Variants in SLC23A2 observed in about 807,000 individuals in gnomAD.
SLC23A2 encodes Na(+)/L-ascorbic acid transporter 2.
Under a neutral mutation model 73.3 loss-of-function variants are expected in SLC23A2, and 36 were observed. The observed-to-expected ratio is 0.49, with a 90% CI of 0.38 to 0.65. SLC23A2 has a LOEUF of 0.65. Among genes scored for constraint, SLC23A2 ranks in the 30% least tolerant of loss-of-function variants. The pLI, the probability that SLC23A2 is intolerant of heterozygous loss-of-function variation, is 0.00. For synonymous variants in SLC23A2, 343 were observed against 327.3 expected, an observed-to-expected ratio of 1.05 and a Z score of -0.52; for missense variants, 507 against 841.6, an observed-to-expected ratio of 0.60 and a Z score of 4.92.
chr20:4,925,052 G>A (rs1246949350), intron 3 of SLC23A2, among the ~76,000 whole-genome samples: 1 of 152,158 alleles, frequency 6.6e-6, no homozygotes, highest in African/African-American at 2.4e-5. Flanking sequence ...GAGCACAGTG[G>A]CATGTGCCAT....
chr20:4,947,233 C>G lies in SLC23A2; in HGVS notation c.-154-14517G>C, dbSNP rs1021346621. Among the ~76,000 whole-genome samples, 1 of 152,130 alleles carries G rather than the reference C, an allele frequency of 6.6e-6. No homozygotes were observed. The highest frequency in any genetic ancestry group is 1.5e-5 in the Non-Finnish European group (1 of 68,032). ...CCAATGCATAAAAGGCATTCAAATACTTGGGGAAATCCCTGACTCGTTCAG... is the reference window on the plus strand; with the variant it reads ...CCAATGCATAAAAGGCATTCAAATAGTTGGGGAAATCCCTGACTCGTTCAG... On this transcript the variant is annotated intron_variant, in intron 2 of 16. Transcript: ENST00000338244. This position sits in a 1 kb window ranked among gnomAD's most constrained non-coding sequence, Gnocchi z 4.4.
chr20:4,866,258 T>C (rs1930195622), intron 13 of SLC23A2, among the ~76,000 whole-genome samples: 1 of 152,250 alleles, frequency 6.6e-6, no homozygotes, highest in African/African-American at 2.4e-5. Flanking sequence ...AGTTTGTACA[T>C]GCTCACCCAG....
At chr20:4,971,648 G>A (rs187777103) in intron 1 of SLC23A2, among the ~76,000 whole-genome samples, 20 of 150,564 alleles carry the variant, frequency 1.3e-4, no homozygotes, top group Non-Finnish European at 1.3e-4. Context: ...TTATCTCGTC[G>A]TGGTGGCACA....
At chr20:4,945,725 C>G (rs542281428) in intron 2 of SLC23A2, among the ~76,000 whole-genome samples, 74 of 152,140 alleles carry the variant, frequency 4.9e-4, no homozygotes, top group African/African-American at 1.8e-3. Flanking sequence ...CAGGGGTAAC[C>G]GAGAGTGTCA....
intron 4 of SLC23A2, among the ~76,000 whole-genome samples, chr20:4,908,109 G>T (rs1468173267): frequency 6.6e-6 from 1 of 152,180 alleles, no homozygotes; most frequent in Non-Finnish European, 1.5e-5. Flanking sequence ...AACAAAACAT[G>T]CATAATTGCA....
intron 6 of SLC23A2, among the ~76,000 whole-genome samples, chr20:4,887,975 T>C (rs1029103448): frequency 5.9e-5 from 9 of 152,204 alleles, no homozygotes; most frequent in Admixed American, 3.9e-4. Flanking sequence ...GTGGCTTTTT[T>C]AGGTGCTTGC....
intron 2 of SLC23A2, among the ~76,000 whole-genome samples, chr20:4,960,114 T>A (rs1452579271): frequency 6.6e-6 from 1 of 152,176 alleles, no homozygotes; most frequent in Non-Finnish European, 1.5e-5. Context: ...TTATTTATAA[T>A]AGCCAAAACC....
Position 4,899,462 on chromosome 20 carries a change from C to A in SLC23A2, c.482+93G>T. On this transcript the variant is annotated intron_variant, in intron 6 of 16. Coordinates refer to ENST00000338244, the MANE Select transcript of SLC23A2 (RefSeq NM_005116.6). This position sits in a 1 kb window ranked among gnomAD's most constrained non-coding sequence, Gnocchi z 4.9. Reference sequence around the variant, plus strand: ...TTCCCGTGCCTCCATTCTGTCCTTGCCAACAGCCCTAGGCAAACGGCGCAG... The same window carrying A: ...TTCCCGTGCCTCCATTCTGTCCTTGACAACAGCCCTAGGCAAACGGCGCAG... The A allele has an allele frequency of 1.4e-6, 2 of 1,475,020 alleles. No individual in the cohort carries two copies. The highest frequency in any genetic ancestry group is 1.2e-5 in the South Asian group (1 of 83,532). 91.4% of individuals were successfully genotyped at this position (1,475,020 alleles called of 1,614,324 possible). A position where few individuals can be genotyped will look rare whatever the true frequency, so the allele number is the denominator to read the frequency against.
intron 2 of SLC23A2, among the ~76,000 whole-genome samples, chr20:4,941,028 C>T (rs748410042): frequency 2.0e-5 from 3 of 151,940 alleles, no homozygotes; most frequent in Non-Finnish European, 2.9e-5. Flanking sequence ...TGGTGGTGCA[C>T]GCCTATAAGC....
At chr20:4,938,591 C>A (rs7509166) in intron 2 of SLC23A2, among the ~76,000 whole-genome samples, 6 of 152,208 alleles carry the variant, frequency 3.9e-5, no homozygotes, top group Non-Finnish European at 8.8e-5. Flanking sequence ...CCTCCCAATG[C>A]TGGGATTACA....
At chr20:4,993,654 T>TA (rs1311014453) in intron 1 of SLC23A2, among the ~76,000 whole-genome samples, 3 of 152,266 alleles carry the variant, frequency 2.0e-5, no homozygotes, top group African/African-American at 7.2e-5. Context: ...AGAAGAGACT[T>TA]AAAAGAAGTG....
At chr20:4,989,356 G>T (rs2087887679) in intron 1 of SLC23A2, among the ~76,000 whole-genome samples, 1 of 151,974 alleles carries the variant, frequency 6.6e-6, no homozygotes, top group Non-Finnish European at 1.5e-5. Context: ...GACCAGAAGT[G>T]TTTCAAATTT....
chr20:5,004,626 GC>G (rs1304375350), upstream of SLC23A2, among the ~76,000 whole-genome samples: 2 of 152,060 alleles, frequency 1.3e-5, no homozygotes, highest in African/African-American at 2.4e-5. Context: ...CAGGAGGATC[GC>G]CTTTGCCAGG....
At chr20:4,881,094 T>C (rs1239367780) in intron 9 of SLC23A2, among the ~76,000 whole-genome samples, 1 of 152,132 alleles carries the variant, frequency 6.6e-6, no homozygotes, top group African/African-American at 2.4e-5. Flanking sequence ...GAAGAACAGA[T>C]AGACATTTCT....
At chr20:4,952,420 CT>C in intron 2 of SLC23A2, among the ~76,000 whole-genome samples, 1 of 152,118 alleles carries the variant, frequency 6.6e-6, no homozygotes, top group African/African-American at 2.4e-5. Context: ...CAAACACAAA[CT>C]GAGGGAAAGG....
At chr20:4,982,668 G>C (rs1409342423) in intron 1 of SLC23A2, among the ~76,000 whole-genome samples, 1 of 152,122 alleles carries the variant, frequency 6.6e-6, no homozygotes, top group Non-Finnish European at 1.5e-5. Context: ...AAGATACTAG[G>C]ATAAGGGTAG....
chr20:4,938,616 T>C lies in SLC23A2; in HGVS notation c.-154-5900A>G, dbSNP rs562062180. On this transcript the variant is annotated intron_variant, in intron 2 of 16. Transcript: ENST00000338244. The stretch of plus-strand genomic sequence containing the variant: ...CTGGGATTACAGGCGTGAGCCACCA[T>C]GCCGGGCCCCTCATTCCATCTTGAT... Among the ~76,000 whole-genome samples, 4 of 152,288 alleles carry C rather than the reference T, an allele frequency of 2.6e-5. No individual in the cohort carries two copies. In the South Asian group the frequency reaches 8.3e-4, roughly 32 times the overall value.
At chr20:4,886,311 T>C (rs984327548) in intron 6 of SLC23A2, among the ~76,000 whole-genome samples, 11 of 152,220 alleles carry the variant, frequency 7.2e-5, no homozygotes, top group African/African-American at 2.7e-4. Context: ...CTCCTCCCTT[T>C]AAAATTCTTA....
Position 4,884,737 on chromosome 20 carries a change from A to G in SLC23A2, c.642+16T>C, listed in dbSNP as rs1931028184. On this transcript the variant is annotated intron_variant, in intron 8 of 16. Transcript: ENST00000338244. Reference sequence around the variant, plus strand: ...AAACATGAAGAAGCCAAAAGCAGACAACGCTTGTCTTTTACCTCTCGGATC... The same window carrying G: ...AAACATGAAGAAGCCAAAAGCAGACGACGCTTGTCTTTTACCTCTCGGATC... 6.3e-7 allele frequency: 1 copy of G among 1,594,468 alleles called. No individual in the cohort carries two copies. Among genetic ancestry groups the G allele is most frequent in the African/African-American group, 1.3e-5 (1 of 74,520 alleles).
Sources: allele counts gnomAD v4.1 joint callset (sites outside exome capture counted in the v4.1 genomes callset), GRCh38; gene constraint gnomAD v4.1.1; non-coding constraint Gnocchi (gnomAD v3.1); transcripts MANE v1.5; gene names NCBI Gene and HGNC (gene_info 2026-07-23, HGNC 2026-07-21).